WDR7: variants seen among roughly 807,000 people sequenced by gnomAD.
WDR7 encodes WD repeat-containing protein 7.
In WDR7, 46 loss-of-function variants were observed where a neutral mutation model predicts 169.4. The ratio of observed to expected loss-of-function variants is 0.27; its 90% CI spans 0.21 to 0.35. The LOEUF is 0.35. Among genes scored for constraint, WDR7 ranks in the 10% least tolerant of loss-of-function variants. The pLI, the probability that WDR7 is intolerant of heterozygous loss-of-function variation, is 1.00. For missense variants in WDR7, 1,534 were observed against 1,859.3 expected (o/e 0.83, Z 3.22); for synonymous variants, 612 against 666.8 (o/e 0.92, Z 1.27).
rs1185375121 is a variant in WDR7, at chr18:56,718,018, C to T, written c.1633C>T (p.Leu545=). 6.2e-7 allele frequency: 1 copy of T among 1,614,102 alleles called. No homozygotes were observed. Among genetic ancestry groups the T allele is most frequent in the South Asian group, 1.1e-5 (1 of 91,084 alleles). Residue 545 remains leucine (L), a synonymous_variant, in exon 13 of 28, where the codon CTA becomes TTA. Transcript: ENST00000254442. ...AGCCAGTGACCACTCAGTAGGACTT[C>T]TAAGTTTGCGAGAGAAAAAATGCAT... is the stretch of plus-strand genomic sequence containing the variant. ...SVASDHSVGL[L]SLREKKCIML... is the part of the protein sequence containing the mutation.
Position 56,816,052 on chromosome 18 carries a change from C to T in WDR7, c.3212C>T (p.Ala1071Val), listed in dbSNP as rs769964758. The change falls in exon 20 of 28, where the codon GCG (alanine) becomes GTG (valine). Residue 1071 changes from alanine to valine, a missense_variant. Transcript: ENST00000254442. ...TTAGCTGGAGTCACATCAGAAGCCG[C>T]GCAGACTATCACCACGGCTCCTGAT... ...VISPGVTSEA[A>V]QTITTAPDAS... 24 of 1,612,010 alleles carry T rather than the reference C, an allele frequency of 1.5e-5. 1 individual carries two copies. Among genetic ancestry groups the T allele is most frequent in the East Asian group, 1.1e-4 (5 of 44,792 alleles).
At chr18:56,858,571 A>G (rs950112838) in intron 20 of WDR7, among the ~76,000 whole-genome samples, 1 of 151,962 alleles carries the variant, frequency 6.6e-6, no homozygotes. Context: ...TCCTACCTCA[A>G]TCCCCTAAGG....
chr18:56,903,578 C>G (rs2046433507), intron 21 of WDR7, among the ~76,000 whole-genome samples: 1 of 151,962 alleles, frequency 6.6e-6, no homozygotes. Context: ...TGCCACCATG[C>G]CTGGCTAATT....
intron 16 of WDR7, among the ~76,000 whole-genome samples, chr18:56,759,728 A>G (rs2043953546): frequency 6.6e-6 from 1 of 151,800 alleles, no homozygotes; most frequent in African/African-American, 2.4e-5. Flanking sequence ...TTCTGCTTAT[A>G]AATGGTGGCA....
chr18:56,847,501 C>T (rs961237433), intron 20 of WDR7, among the ~76,000 whole-genome samples: 1 of 152,122 alleles, frequency 6.6e-6, no homozygotes, highest in Admixed American at 6.5e-5. Flanking sequence ...TGTGGAGCAA[C>T]CACTTGCTAG....
At chr18:56,782,981 T>C (rs2044342296) in intron 19 of WDR7, among the ~76,000 whole-genome samples, 1 of 152,164 alleles carries the variant, frequency 6.6e-6, no homozygotes, top group African/African-American at 2.4e-5. Flanking sequence ...CATAATACTT[T>C]TGTTAAATAC....
Position 56,696,429 on chromosome 18 carries a change from T to A in WDR7, c.1545T>A (p.Ile515=). 6.2e-7 allele frequency: 1 copy of A among 1,613,994 alleles called. No individual in the cohort carries two copies. Among genetic ancestry groups the A allele is most frequent in the Non-Finnish European group, 8.5e-7 (1 of 1,179,946 alleles). Residue 515 remains isoleucine (I), a synonymous_variant, in exon 12 of 28, where the codon ATT becomes ATA. Coordinates refer to ENST00000254442, the MANE Select transcript of WDR7 (RefSeq NM_015285.3). The part of the protein sequence containing the change: ...KHIFCVHGGE[I]TQLLVPPENC... ...TCTTCTGTGTTCATGGTGGTGAGATTACTCAACTTCTAGTTCCACCTGAAA... is the reference window on the plus strand; with the variant it reads ...TCTTCTGTGTTCATGGTGGTGAGATAACTCAACTTCTAGTTCCACCTGAAA...
At chr18:56,904,410 G>A (rs1356064732) in intron 21 of WDR7, among the ~76,000 whole-genome samples, 1 of 152,088 alleles carries the variant, frequency 6.6e-6, no homozygotes, top group Non-Finnish European at 1.5e-5. Flanking sequence ...CAAAACCTCA[G>A]CTATTAGTAT....
At chr18:57,031,991 G>A (rs2048443728), downstream of WDR7, 1 of 152,204 alleles carries the variant, frequency 6.6e-6, no homozygotes, top group Non-Finnish European at 1.5e-5. Context: ...GACTCCACAA[G>A]TAGATCTGAA....
chr18:56,840,730 GATC>G (rs2045472249), intron 20 of WDR7, among the ~76,000 whole-genome samples: 1 of 151,578 alleles, frequency 6.6e-6, no homozygotes, highest in Non-Finnish European at 1.5e-5. Context: ...ACAGTGAGAA[GATC>G]ATCTGAACCC....
At chr18:56,774,289 A>G (rs1436550915) in intron 16 of WDR7, among the ~76,000 whole-genome samples, 2 of 152,154 alleles carry the variant, frequency 1.3e-5, no homozygotes, top group East Asian at 3.8e-4. Flanking sequence ...TAGGGATGTT[A>G]TAATATTGGA....
chr18:56,779,373 T>G, intron 17 of WDR7, 58 bp from the exon 18 acceptor site: 1 of 1,379,830 alleles, frequency 7.2e-7, no homozygotes, highest in Non-Finnish European at 9.9e-7. Context: ...TAAAGAACTG[T>G]TGACTTAGGG....
intron 20 of WDR7, among the ~76,000 whole-genome samples, chr18:56,836,828 TA>T (rs2045403848): frequency 6.6e-6 from 1 of 152,210 alleles, no homozygotes; most frequent in African/African-American, 2.4e-5. Context: ...CAAATTAAAA[TA>T]ATTTAACAGC....
At chr18:56,988,630 T>TGTGTGTGTGG (rs2047762167) in intron 26 of WDR7, among the ~76,000 whole-genome samples, 1 of 148,408 alleles carries the variant, frequency 6.7e-6, no homozygotes, top group Admixed American at 6.8e-5. Context: ...TGTGTGTGTG[T>TGTGTGTGTGG]GTGTGTATAG....
intron 13 of WDR7, 122 bp downstream of exon 13, chr18:56,718,281 T>C: frequency 5.7e-6 from 6 of 1,048,928 alleles, no homozygotes; most frequent in Non-Finnish European, 8.1e-6. Context: ...GCTACTTTTA[T>C]TTCTAATTGT....
chr18:56,846,831 A>G (rs2045575684), intron 20 of WDR7, among the ~76,000 whole-genome samples: 1 of 152,162 alleles, frequency 6.6e-6, no homozygotes, highest in African/African-American at 2.4e-5. Flanking sequence ...CACATTTCCT[A>G]TACAGCCTGC....
intron 25 of WDR7, among the ~76,000 whole-genome samples, chr18:56,950,910 T>G (rs1568282619): frequency 6.6e-6 from 1 of 152,208 alleles, no homozygotes; most frequent in African/African-American, 2.4e-5. Flanking sequence ...ATAGATGACG[T>G]CCTCTTAAAT....
intron 21 of WDR7, among the ~76,000 whole-genome samples, chr18:56,912,409 C>T (rs1387641158): frequency 6.6e-6 from 1 of 152,222 alleles, no homozygotes; most frequent in Admixed American, 6.5e-5. Context: ...ATTGAGCTCA[C>T]TGCACCAAAT....
At chr18:56,727,393 C>G (rs1262624234) in intron 13 of WDR7, among the ~76,000 whole-genome samples, 2 of 151,922 alleles carry the variant, frequency 1.3e-5, no homozygotes, top group Admixed American at 1.3e-4. Flanking sequence ...TCTCATGCTA[C>G]TGTGAATAAA....
Sources: gnomAD v4.1 joint callset for allele counts (sites outside exome capture counted in the v4.1 genomes callset) on GRCh38, gnomAD v4.1.1 for gene constraint, MANE v1.5 for transcripts, NCBI Gene and HGNC (gene_info 2026-07-23, HGNC 2026-07-21) for gene names.